The following ABHD8 variants were observed in gnomAD, a reference collection of about 807,000 sequenced individuals.
ABHD8 encodes protein ABHD8.
ABHD8 carries 10 observed loss-of-function variants against 29.3 expected under a neutral mutation model. That is an observed-to-expected ratio of 0.34 (90% confidence interval 0.21 to 0.58). The LOEUF (loss-of-function observed/expected upper bound fraction) is 0.58, where lower values mean the gene tolerates loss of function less well. ABHD8 is among the 20% of genes least tolerant of loss of function. The probability of loss-of-function intolerance (pLI) is 0.85; values close to 1 mark genes in which losing one functional copy is unlikely to be tolerated. For missense variants in ABHD8, 556 were observed against 615.3 expected (o/e 0.90, Z 1.02); for synonymous variants, 282 against 274.6 (o/e 1.03, Z -0.27).
chr19:17,293,576 C>T (rs993698636), intron 4 of ABHD8, among the ~76,000 whole-genome samples: 1 of 152,090 alleles, frequency 6.6e-6, no homozygotes, highest in Non-Finnish European at 1.5e-5. Flanking sequence ...AGTAGTACCC[C>T]CTCCCCCTCA....
In ABHD8 at chr19:17,292,199, A is replaced by G. The variant is rs1429245199; in HGVS notation, c.*462T>C. Reference sequence around the variant, plus strand: ...CAGGTTCGGTGGCGCCAGCCCCCCCATCCCCCCCCCTTGGGCAAAAATAGC... The same window carrying G: ...CAGGTTCGGTGGCGCCAGCCCCCCCGTCCCCCCCCCTTGGGCAAAAATAGC... On this transcript the variant is annotated 3_prime_UTR_variant, in exon 5 of 5. Coordinates refer to ENST00000247706, the MANE Select transcript of ABHD8 (RefSeq NM_024527.5). 5.5e-5 allele frequency: 10 copies of G among 182,694 alleles called. No homozygotes were observed. In the East Asian group the frequency reaches 1.3e-3, roughly 24 times the overall value. 11.3% of individuals were successfully genotyped at this position (182,694 alleles called of 1,614,324 possible).
intron 2 of ABHD8, 152 bp downstream of exon 2, chr19:17,300,704 C>G (rs1599525341): frequency 1.9e-6 from 2 of 1,030,278 alleles, no homozygotes; most frequent in East Asian, 2.5e-5. Context: ...TCCCGAACTC[C>G]CAACCTCAGG....
rs1297129788 is a variant in ABHD8, at chr19:17,301,611, C to G, written c.6G>C (p.Leu2=). 1.3e-6 allele frequency: 2 copies of G among 1,548,342 alleles called. No homozygotes were observed. Among genetic ancestry groups the G allele is most frequent in the African/African-American group, 2.7e-5 (2 of 73,982 alleles). ...AGAAGATACCGTCGGTCACCCCGGT[C>G]AGCATGGTGTGTCCTGTGAGTGAGG... is the stretch of plus-strand genomic sequence containing the variant. M[L]TGVTDGIFCC... Residue 2 remains leucine (L), a synonymous_variant, in exon 2 of 5, where the codon CTG becomes CTC. Coordinates refer to ENST00000247706, the MANE Select transcript of ABHD8 (RefSeq NM_024527.5).
chr19:17,300,051 CCCA>C (rs1297968931), intron 2 of ABHD8, among the ~76,000 whole-genome samples: 1 of 151,526 alleles, frequency 6.6e-6, no homozygotes, highest in Admixed American at 6.6e-5. Context: ...ACTATAGGTG[CCCA>C]CCACCACACC....
At chr19:17,301,773 TG>T in intron 1 of ABHD8, 149 bp from the exon 2 acceptor site, 1 of 796,954 alleles carries the variant, frequency 1.3e-6, no homozygotes, top group Non-Finnish European at 1.8e-6. Context: ...GAGATTTTTT[TG>T]TTTGTGTGTG....
At position 17,294,225 on chromosome 19, in the gene ABHD8, A is replaced by T. The variant is rs1294391755; in HGVS notation, c.1149+63T>A. The T allele has an allele frequency of 5.2e-6, 8 of 1,552,962 alleles. No homozygotes were observed. The East Asian group carries it at 1.6e-4, about 31-fold the overall frequency. On this transcript the variant is annotated intron_variant, in intron 4 of 4. Coordinates refer to ENST00000247706, the MANE Select transcript of ABHD8 (RefSeq NM_024527.5). The stretch of plus-strand genomic sequence containing the variant: ...CGCTACCACGCCCCCCGCAGAGGCC[A>T]CGCCCCTCCCGGGCAGCACCCTGGG...
chr19:17,300,873 G>A lies in ABHD8; in HGVS notation c.744C>T (p.Leu248=). 1 of 1,596,238 alleles carries A rather than the reference G, an allele frequency of 6.3e-7. No homozygotes were observed. The highest frequency in any genetic ancestry group is 1.1e-5 in the South Asian group (1 of 90,232). The change falls in exon 2 of 5, where the codon CTC becomes CTT. Residue 248 remains leucine (L), a synonymous_variant. Transcript: ENST00000247706. ...FKRYAKKRNV[L]IGHSYGVSFC... ...TCACTTACCCGTAGGAATGGCCAATGAGCACATTTCGCTTCTTGGCATAGC... is the reference window on the plus strand; with the variant it reads ...TCACTTACCCGTAGGAATGGCCAATAAGCACATTTCGCTTCTTGGCATAGC...
rs564925130 is a variant in ABHD8 at position 17,292,568 on chromosome 19, C to G, written c.*93G>C. 7 of 1,361,934 alleles carry G rather than the reference C, an allele frequency of 5.1e-6. No individual in the cohort carries two copies. Among genetic ancestry groups the G allele is most frequent in the Admixed American group, 3.1e-5 (1 of 32,226 alleles). 84.4% of individuals were successfully genotyped at this position (1,361,934 alleles called of 1,614,324 possible). On this transcript the variant is annotated 3_prime_UTR_variant, in exon 5 of 5. Coordinates refer to ENST00000247706, the MANE Select transcript of ABHD8 (RefSeq NM_024527.5). Reference sequence around the variant, plus strand: ...GCCCCGCCCACCGGAGCGAACGGCCCGCCCAGGTGGTCTGCGCTGCAGACC... The same window carrying G: ...GCCCCGCCCACCGGAGCGAACGGCCGGCCCAGGTGGTCTGCGCTGCAGACC...
At position 17,301,422 on chromosome 19, in the gene ABHD8, C is replaced by T. The variant is rs755289782; in HGVS notation, c.195G>A (p.Ser65=). ...AAPPPPSSAS[S]DAAQGDLSGL... Reference sequence around the variant, plus strand: ...CGGAGAGGTCCCCCTGGGCTGCATCCGAGGATGCGGATGATGGTGGAGGTG... The same window carrying T: ...CGGAGAGGTCCCCCTGGGCTGCATCTGAGGATGCGGATGATGGTGGAGGTG... The change falls in exon 2 of 5, where the codon TCG becomes TCA. Residue 65 remains serine (S), a synonymous_variant. Transcript: ENST00000247706. The T allele has an allele frequency of 4.3e-6, 7 of 1,612,122 alleles. No individual in the cohort carries two copies. The highest frequency in any genetic ancestry group is 5.9e-6 in the Non-Finnish European group (7 of 1,179,880).
chr19:17,293,024 A>G (rs887413192), intron 4 of ABHD8, among the ~76,000 whole-genome samples, 193 bp from the exon 5 acceptor site: 10 of 151,950 alleles, frequency 6.6e-5, no homozygotes, highest in Admixed American at 6.6e-4. Context: ...CCCAACTAGT[A>G]TTCAGGCATC....
In ABHD8 at chr19:17,294,277, C is replaced by A. The variant is rs915046679; in HGVS notation, c.1149+11G>T. The A allele has an allele frequency of 6.3e-7, 1 of 1,594,390 alleles. No individual in the cohort carries two copies. The highest frequency in any genetic ancestry group is 8.5e-7 in the Non-Finnish European group (1 of 1,175,310). On this transcript the variant is annotated intron_variant, in intron 4 of 4. Coordinates refer to ENST00000247706, the MANE Select transcript of ABHD8 (RefSeq NM_024527.5). ...ATTTGTAGCTGTGGCGCCCCAGGTG[C>A]CCGCCTCTACCTCGGCCATGCGCTG...
intron 4 of ABHD8, among the ~76,000 whole-genome samples, chr19:17,293,255 C>T (rs1013057486): frequency 9.2e-5 from 14 of 151,820 alleles, no homozygotes; most frequent in African/African-American, 3.4e-4. Context: ...GCCACTACAC[C>T]CGGCTAATTT....
At position 17,294,761 on chromosome 19, in the gene ABHD8, C is replaced by G. The variant is rs200026977; in HGVS notation, c.846G>C (p.Ala282=). The part of the protein sequence containing the change: ...VIMINGGGPT[A]LEPSFCSIFN... ...AGATTGAGCAGAAGCTGGGCTCCAG[C>G]GCCGTAGGGCCCCCGCCATTGATCA... Residue 282 remains alanine (A), a synonymous_variant, in exon 3 of 5, where the codon GCG becomes GCC. Coordinates refer to ENST00000247706, the MANE Select transcript of ABHD8 (RefSeq NM_024527.5). The G allele has an allele frequency of 6.2e-7, 1 of 1,614,030 alleles. No individual in the cohort carries two copies. Among genetic ancestry groups the G allele is most frequent in the South Asian group, 1.1e-5 (1 of 91,090 alleles).
intron 2 of ABHD8, among the ~76,000 whole-genome samples, chr19:17,296,028 T>C (rs1300878283): frequency 1.3e-5 from 2 of 152,020 alleles, no homozygotes; most frequent in Non-Finnish European, 2.9e-5. Context: ...GGGGTTCATG[T>C]CCTCCCCCTA....
At chr19:17,295,879 T>TA (rs1164590015) in intron 2 of ABHD8, among the ~76,000 whole-genome samples, 4 of 152,138 alleles carry the variant, frequency 2.6e-5, no homozygotes, top group Non-Finnish European at 5.9e-5. Flanking sequence ...AGCTAATTTT[T>TA]AAAAATTTTT....
Position 17,301,339 on chromosome 19 carries a change from T to A in ABHD8, c.278A>T (p.Glu93Val). ...TVYRNGRLLV[E>V]NLGRAPRADL... ...GGCTCGAGGGGCTCGGCCCAGGTTT[T>A]CCACCAGCAACCGCCCATTGCGGTA... The change falls in exon 2 of 5, where the codon GAA (glutamate) becomes GTA (valine). Residue 93 changes from glutamate (E) to valine (V), a missense_variant. Coordinates refer to ENST00000247706, the MANE Select transcript of ABHD8 (RefSeq NM_024527.5). 1.9e-6 allele frequency: 3 copies of A among 1,609,042 alleles called. No homozygotes were observed. Among genetic ancestry groups the A allele is most frequent in the Non-Finnish European group, 2.5e-6 (3 of 1,179,872 alleles).
chr19:17,301,776 T>TTGTGTGTGTG lies in ABHD8; in HGVS notation c.-8-162_-8-153dup, dbSNP rs10679164. 8.3e-3 allele frequency among the ~76,000 whole-genome samples: 1,221 copies of TTGTGTGTGTG among 147,454 alleles called. 14 individuals are homozygous for TTGTGTGTGTG. The highest frequency in any genetic ancestry group is 0.028 in the African/African-American group (1,096 of 39,594). On this transcript the variant is annotated intron_variant, in intron 1 of 4. Transcript: ENST00000247706. ...AGCCACGGCACTGAGATTTTTTTGT[T>TTGTGTGTGTG]TGTGTGTGTGTGTGTGTGTGTGTGT...
intron 2 of ABHD8, 78 bp from the exon 3 acceptor site, chr19:17,294,923 G>C: frequency 6.5e-6 from 10 of 1,529,758 alleles, no homozygotes; most frequent in Non-Finnish European, 8.9e-6. Context: ...ATTTTGTTTT[G>C]CTTTGTTTTT....
At position 17,292,509 on chromosome 19, in the gene ABHD8, C is replaced by A. The variant is rs1194304281; in HGVS notation, c.*152G>T. On this transcript the variant is annotated 3_prime_UTR_variant, in exon 5 of 5. Transcript: ENST00000247706. ...CTGGGCTCCCTCGGATGCCACGCCC[C>A]GCCCAGGCAGCCTGGGGGCGTCTCC... The A allele has an allele frequency of 3.3e-6, 3 of 920,442 alleles. No homozygotes were observed. The highest frequency in any genetic ancestry group is 4.6e-6 in the Non-Finnish European group (3 of 656,866). 57.0% of individuals were successfully genotyped at this position (920,442 alleles called of 1,614,324 possible).
Sources: allele counts gnomAD v4.1 joint callset (sites outside exome capture counted in the v4.1 genomes callset), GRCh38; gene constraint gnomAD v4.1.1; transcripts MANE v1.5; gene names NCBI Gene and HGNC (gene_info 2026-07-23, HGNC 2026-07-21).